SHLD2: variants seen among roughly 807,000 people sequenced by gnomAD.
The protein encoded by SHLD2 is RINN1-REV7-interacting novel NHEJ regulator 2.
In SHLD2, 30 loss-of-function variants were observed where a neutral mutation model predicts 73.2. The observed-to-expected ratio is 0.41, with a 90% CI of 0.31 to 0.56. The LOEUF (loss-of-function observed/expected upper bound fraction) is 0.56. Ranked by LOEUF, SHLD2 falls within the 20% of genes least tolerant of loss-of-function variation. The probability of loss-of-function intolerance (pLI) is 0.28; values close to 1 mark genes in which losing one functional copy is unlikely to be tolerated. For synonymous variants in SHLD2, 285 were observed against 370.1 expected (o/e 0.77, Z 2.64); for missense variants, 745 against 1,055.9 (o/e 0.71, Z 4.08).
In SHLD2 at chr10:87,136,043, T is replaced by C. The variant is rs569849106; in HGVS notation, c.-5-15307T>C. Among the ~76,000 whole-genome samples the C allele has an allele frequency of 2.0e-5, 3 of 151,894 alleles. No individual in the cohort carries two copies. In the East Asian group the frequency reaches 5.8e-4, roughly 29 times the overall value. On this transcript the variant is annotated intron_variant, in intron 2 of 9. Transcript: ENST00000298786. ...AAGGGCAAAGTGTCTATATAAATTATTTAGATTTCTTCTGCATGGGAGATT... is the reference window on the plus strand; with the variant it reads ...AAGGGCAAAGTGTCTATATAAATTACTTAGATTTCTTCTGCATGGGAGATT...
intron 2 of SHLD2, among the ~76,000 whole-genome samples, chr10:87,127,368 G>A (rs1844079887): frequency 1.3e-5 from 2 of 151,648 alleles, no homozygotes; most frequent in Non-Finnish European, 2.9e-5. Flanking sequence ...GATTGATTAC[G>A]GCAACTAAAA....
At chr10:87,123,649 C>G (rs1424308227) in intron 2 of SHLD2, among the ~76,000 whole-genome samples, 1 of 152,148 alleles carries the variant, frequency 6.6e-6, no homozygotes, top group East Asian at 1.9e-4. Context: ...ATGTCTCCAC[C>G]AAATCTTATG....
chr10:87,166,200 G>A (rs1469401882), intron 4 of SHLD2, among the ~76,000 whole-genome samples: 1 of 151,976 alleles, frequency 6.6e-6, no homozygotes, highest in East Asian at 1.9e-4. Flanking sequence ...GATATGTAAA[G>A]ATTGGAAAGG....
chr10:87,141,917 G>A (rs1845221731), intron 2 of SHLD2, among the ~76,000 whole-genome samples: 1 of 151,854 alleles, frequency 6.6e-6, no homozygotes, highest in Admixed American at 6.6e-5. Context: ...TGTAATTCCA[G>A]CTACTCGGGA....
At chr10:87,161,595 A>C (rs1589608156) in intron 4 of SHLD2, among the ~76,000 whole-genome samples, 1 of 152,360 alleles carries the variant, frequency 6.6e-6, no homozygotes, top group East Asian at 1.9e-4. Flanking sequence ...TGAGGAAAAA[A>C]TTTAAACACT....
At chr10:87,111,209 T>C (rs1842898913) in intron 2 of SHLD2, among the ~76,000 whole-genome samples, 1 of 152,106 alleles carries the variant, frequency 6.6e-6, no homozygotes, top group South Asian at 2.1e-4. Context: ...TTGCCCAGGC[T>C]GGAGTACAGT....
chr10:87,133,518 A>G (rs1337584263), intron 2 of SHLD2, among the ~76,000 whole-genome samples: 2 of 152,166 alleles, frequency 1.3e-5, no homozygotes, highest in Admixed American at 1.3e-4. Context: ...TCAAAAAAAG[A>G]TGAGTAATAA....
chr10:87,138,752 T>C (rs1263964058), intron 2 of SHLD2, among the ~76,000 whole-genome samples: 1 of 152,124 alleles, frequency 6.6e-6, no homozygotes, highest in African/African-American at 2.4e-5. Flanking sequence ...CAAGAATCAT[T>C]CTCCTACAGT....
rs1451168407 is a variant in SHLD2 at position 87,151,576 on chromosome 10, T to C, written c.222T>C (p.Ser74=). ...AATCTATTGGTTCTCCAGATCTTAG[T>C]GGTCATTTCTTAGCAAACTGTATGA... ...VPESIGSPDL[S]GHFLANCMNR... The change falls in exon 3 of 10, where the codon AGT becomes AGC. Residue 74 remains serine, a synonymous_variant. Coordinates refer to ENST00000298786, the MANE Select transcript of SHLD2 (RefSeq NM_001330112.2). The C allele has an allele frequency of 6.2e-7, 1 of 1,611,608 alleles. No individual in the cohort carries two copies. Among genetic ancestry groups the C allele is most frequent in the Non-Finnish European group, 8.5e-7 (1 of 1,179,612 alleles).
chr10:87,116,472 A>G (rs1843262545), intron 2 of SHLD2, among the ~76,000 whole-genome samples: 1 of 151,876 alleles, frequency 6.6e-6, no homozygotes, highest in African/African-American at 2.4e-5. Context: ...ATGAGAATAC[A>G]GTTTCCACTG....
intron 2 of SHLD2, among the ~76,000 whole-genome samples, chr10:87,130,012 AT>A (rs1202429710): frequency 5.3e-5 from 8 of 151,860 alleles, no homozygotes; most frequent in Non-Finnish European, 1.0e-4. Flanking sequence ...TTCTTTTTAA[AT>A]TTTAAGTTTT....
In SHLD2 at chr10:87,127,535, CCCCA is replaced by C. The variant is rs1302496383; in HGVS notation, c.-5-23811_-5-23808del. On this transcript the variant is annotated intron_variant, in intron 2 of 9. Transcript: ENST00000298786. ...TTTTTTGTCCCTCTTACCCGCCCCC[CCCCA>C]CCCCGTCTGCCACCCCCCGCCTCCC... Among the ~76,000 whole-genome samples, 15 of 71,510 alleles carry C rather than the reference CCCCA, an allele frequency of 2.1e-4. 2 individuals are homozygous for C. The East Asian group carries it at 2.8e-3, about 13-fold the overall frequency. The allele number at this position is 71,510 out of a possible 152,430, so 46.9% of individuals were successfully genotyped here. A position where few individuals can be genotyped will look rare whatever the true frequency, so the allele number is the denominator to read the frequency against.
At chr10:87,174,182 T>C (rs1405491231) in intron 6 of SHLD2, among the ~76,000 whole-genome samples, 1 of 151,114 alleles carries the variant, frequency 6.6e-6, no homozygotes, top group Non-Finnish European at 1.5e-5. Flanking sequence ...CCAGAGTCCC[T>C]CAAAATAGAG....
At chr10:87,122,752 G>T (rs1232855876) in intron 2 of SHLD2, among the ~76,000 whole-genome samples, 14 of 152,064 alleles carry the variant, frequency 9.2e-5, no homozygotes, top group Non-Finnish European at 2.9e-5. Context: ...TAACAATAAG[G>T]TGTTTTTATT....
At chr10:87,125,021 G>T (rs567027540) in intron 2 of SHLD2, among the ~76,000 whole-genome samples, 69 of 152,264 alleles carry the variant, frequency 4.5e-4, no homozygotes, top group African/African-American at 1.3e-3. Flanking sequence ...AGGATTTCAG[G>T]TGTGAGCCAC....
At chr10:87,130,857 G>A (rs941348834) in intron 2 of SHLD2, among the ~76,000 whole-genome samples, 33 of 152,132 alleles carry the variant, frequency 2.2e-4, no homozygotes, top group South Asian at 8.3e-4. Context: ...GACTCCTTGC[G>A]TCTGGGAGTT....
chr10:87,174,533 T>C (rs1847815014), intron 6 of SHLD2, among the ~76,000 whole-genome samples: 1 of 149,514 alleles, frequency 6.7e-6, no homozygotes, highest in East Asian at 2.0e-4. Flanking sequence ...GCTCTGTCTT[T>C]ACAGATTTAC....
At chr10:87,121,787 G>C (rs2134081507) in intron 2 of SHLD2, among the ~76,000 whole-genome samples, 1 of 140,568 alleles carries the variant, frequency 7.1e-6, no homozygotes, top group African/African-American at 2.7e-5. Context: ...TTTTAATTGA[G>C]ATAGTCTCGT....
intron 2 of SHLD2, among the ~76,000 whole-genome samples, chr10:87,132,555 A>G (rs1242673472): frequency 6.6e-6 from 1 of 152,146 alleles, no homozygotes; most frequent in Non-Finnish European, 1.5e-5. Flanking sequence ...TGGATGGATC[A>G]CTTGAGCTCA....
Sources: gnomAD v4.1 joint callset for allele counts (sites outside exome capture counted in the v4.1 genomes callset) on GRCh38, gnomAD v4.1.1 for gene constraint, MANE v1.5 for transcripts, NCBI Gene and HGNC (gene_info 2026-07-23, HGNC 2026-07-21) for gene names.